CFAP70: variants seen among roughly 807,000 people sequenced by gnomAD.
The protein encoded by CFAP70 is cilia and flagella associated protein 70.
Under a neutral mutation model 137.6 loss-of-function variants are expected in CFAP70, and 81 were observed. That is an observed-to-expected ratio of 0.59 (90% CI 0.49 to 0.71). The LOEUF (loss-of-function observed/expected upper bound fraction) is 0.71, where lower values mean the gene tolerates loss of function less well. CFAP70 is among the 30% of genes least tolerant of loss of function. The probability of loss-of-function intolerance (pLI) is 0.00; values close to 1 mark genes in which losing one functional copy is unlikely to be tolerated. For missense variants in CFAP70, 976 were observed against 1,226.7 expected (o/e 0.80, Z 3.05); for synonymous variants, 382 against 423.6 (o/e 0.90, Z 1.20).
At chr10:73,316,483 T>TAG (rs1554903281) in intron 9 of CFAP70, among the ~76,000 whole-genome samples, 9 of 111,844 alleles carry the variant, frequency 8.0e-5, no homozygotes, top group Admixed American at 2.6e-4. Flanking sequence ...TATATATAGA[T>TAG]ATAGATATAT....
At chr10:73,319,589 C>A (rs2050683540) in intron 9 of CFAP70, among the ~76,000 whole-genome samples, 1 of 152,126 alleles carries the variant, frequency 6.6e-6, no homozygotes, top group African/African-American at 2.4e-5. Context: ...CTTTAAAAAT[C>A]ATTGCCTGCA....
In CFAP70 at chr10:73,309,056, G is replaced by A. The variant is rs550844378; in HGVS notation, c.1256+1102C>T. On this transcript the variant is annotated intron_variant, in intron 12 of 26. Transcript: ENST00000310715. The stretch of plus-strand genomic sequence containing the variant: ...TGAAGATTAGAGTAAAAACAAATTA[G>A]AGAATAGAAAAATAATGGAGAAAAT... Among the ~76,000 whole-genome samples the A allele has an allele frequency of 4.6e-5, 7 of 152,172 alleles. No homozygotes were observed. In the East Asian group the frequency reaches 1.4e-3, roughly 29 times the overall value.
chr10:73,306,247 C>T (rs2049364427), intron 12 of CFAP70, among the ~76,000 whole-genome samples: 2 of 151,960 alleles, frequency 1.3e-5, no homozygotes, highest in African/African-American at 4.8e-5. Flanking sequence ...AGAAACTTCC[C>T]CCTTTCTAGA....
chr10:73,343,120 G>A lies in CFAP70; in HGVS notation c.400-1539C>T, dbSNP rs1011315522. 2.7e-5 allele frequency among the ~76,000 whole-genome samples: 4 copies of A among 149,360 alleles called. No homozygotes were observed. In the Admixed American group the frequency reaches 2.7e-4, roughly 10 times the overall value. On this transcript the variant is annotated intron_variant, in intron 5 of 26. Transcript: ENST00000310715. ...AGCTACTCGGGAGGCTGAGGCAGGA[G>A]AATCACTTGAACCCAGAAGGCAGAG... is the stretch of plus-strand genomic sequence containing the variant.
At chr10:73,326,953 T>C (rs1250811107) in intron 8 of CFAP70, among the ~76,000 whole-genome samples, 5 of 151,080 alleles carry the variant, frequency 3.3e-5, no homozygotes, top group African/African-American at 7.3e-5. Flanking sequence ...TTCCAATCAA[T>C]AGAAAAAGAG....
chr10:73,275,528 A>C lies in CFAP70; in HGVS notation c.2591T>G (p.Val864Gly). The C allele has an allele frequency of 6.2e-7, 1 of 1,612,174 alleles. No individual in the cohort carries two copies. Among genetic ancestry groups the C allele is most frequent in the Non-Finnish European group, 8.5e-7 (1 of 1,179,350 alleles). Residue 864 changes from valine (V) to glycine (G), a missense_variant, in exon 22 of 27, where the codon GTG becomes GGG. Val to Gly is a moderately radical substitution (Grantham distance 109). Coordinates refer to ENST00000310715, the Ensembl canonical transcript of CFAP70. The surrounding 1 kb of genome is among the most constrained non-coding windows in gnomAD (Gnocchi z 4.0). ...CTTAAGAATGTGTGTTTGGGCCAGC[A>C]CCAAGTAATATTCACAGCTGGGGCC...
intron 9 of CFAP70, 85 bp downstream of exon 10, chr10:73,322,878 G>T: frequency 1.7e-6 from 2 of 1,198,688 alleles, no homozygotes; most frequent in Non-Finnish European, 2.3e-6. Flanking sequence ...AATATCAGTT[G>T]CAAAGATGTA....
intron 3 of CFAP70, among the ~76,000 whole-genome samples, chr10:73,349,640 C>T (rs535559593): frequency 6.6e-6 from 1 of 152,286 alleles, no homozygotes; most frequent in Non-Finnish European, 1.5e-5. Flanking sequence ...TGGAGTAATC[C>T]TGTAGCATGC....
At chr10:73,346,761 T>G (rs537418231) in intron 4 of CFAP70, among the ~76,000 whole-genome samples, 45 of 152,206 alleles carry the variant, frequency 3.0e-4, no homozygotes, top group South Asian at 1.4e-3. Context: ...TCAAGATTTA[T>G]GCAAAATCTA....
At chr10:73,325,360 C>T (rs1333660984) in intron 8 of CFAP70, among the ~76,000 whole-genome samples, 3 of 152,182 alleles carry the variant, frequency 2.0e-5, no homozygotes, top group South Asian at 2.1e-4. Flanking sequence ...AAGGAACAAC[C>T]GGTACCAGCC....
At position 73,291,399 on chromosome 10, in the gene CFAP70, G is replaced by T. The variant is rs151226888; in HGVS notation, c.2066C>A (p.Ala689Glu). The change falls in exon 19 of 27, where the codon GCA becomes GAA. Residue 689 changes from alanine (A) to glutamate (E), a missense_variant. Ala to Glu is a moderately radical substitution (Grantham distance 107, BLOSUM62 -1). Coordinates refer to ENST00000310715, the Ensembl canonical transcript of CFAP70. ...AAGCTGTTTGGAGGCCTCATGAAAT[G>T]CCATTTCCATTCGAATATCATTGTT... 8.1e-6 allele frequency: 13 copies of T among 1,614,032 alleles called. No homozygotes were observed. Among genetic ancestry groups the T allele is most frequent in the Non-Finnish European group, 1.1e-5 (13 of 1,180,034 alleles).
At chr10:73,348,015 G>A in intron 4 of CFAP70, 141 bp downstream of exon 5, 1 of 718,066 alleles carries the variant, frequency 1.4e-6, no homozygotes, top group Non-Finnish European at 2.4e-6. Context: ...TATTATCTTT[G>A]TTTCCCAGAA....
intron 4 of CFAP70, among the ~76,000 whole-genome samples, chr10:73,346,177 G>T (rs754311266): frequency 1.3e-5 from 2 of 151,864 alleles, no homozygotes; most frequent in African/African-American, 4.8e-5. Context: ...GATTACAGGC[G>T]TGAGCCACTG....
At chr10:73,291,089 A>T (rs1326734928) in intron 19 of CFAP70, 137 bp downstream of exon 20, 6 of 692,064 alleles carry the variant, frequency 8.7e-6, no homozygotes, top group Non-Finnish European at 1.5e-5. Flanking sequence ...ATCACAGCTC[A>T]CTGCAACCTT....
intron 9 of CFAP70, among the ~76,000 whole-genome samples, chr10:73,321,767 G>T (rs1456168558): frequency 1.3e-5 from 2 of 151,796 alleles, no homozygotes; most frequent in Non-Finnish European, 2.9e-5. Context: ...AACAACAACA[G>T]ACTTTTTTTT....
chr10:73,359,786 TAC>T (rs371595564), upstream of CFAP70, among the ~76,000 whole-genome samples: 289 of 152,110 alleles, frequency 1.9e-3, 2 homozygotes, highest in African/African-American at 6.6e-3. Context: ...ACTACTTGAT[TAC>T]AGAGGGGGAA....
chr10:73,311,456 A>G (rs1366021030), intron 11 of CFAP70, among the ~76,000 whole-genome samples: 1 of 152,216 alleles, frequency 6.6e-6, no homozygotes, highest in Non-Finnish European at 1.5e-5. Flanking sequence ...CCTCTATTAC[A>G]GCACTCATCA....
chr10:73,310,000 A>G (rs780031293), intron 12 of CFAP70, among the ~76,000 whole-genome samples, 158 bp downstream of exon 13: 81 of 152,156 alleles, frequency 5.3e-4, no homozygotes, highest in Non-Finnish European at 9.8e-4. Context: ...TTTTGTGATA[A>G]GGTAACAAAA....
At chr10:73,345,911 T>A (rs575999417) in intron 4 of CFAP70, among the ~76,000 whole-genome samples, 44 of 152,128 alleles carry the variant, frequency 2.9e-4, no homozygotes, top group African/African-American at 6.5e-4. Flanking sequence ...ATTTTATTTT[T>A]TTTTTTGAGA....
Sources: allele counts gnomAD v4.1 joint callset (sites outside exome capture counted in the v4.1 genomes callset), GRCh38; gene constraint gnomAD v4.1.1; non-coding constraint Gnocchi (gnomAD v3.1); transcripts MANE v1.5; gene names NCBI Gene and HGNC (gene_info 2026-07-23, HGNC 2026-07-21).